Variants in TRAPPC12 observed in about 807,000 individuals in gnomAD.
TRAPPC12 encodes the protein TPR repeat protein 15.
A neutral mutation model predicts 69.2 loss-of-function variants in TRAPPC12; 61 were observed. The ratio of observed to expected loss-of-function variants is 0.88; its 90% CI spans 0.72 to 1.09. The LOEUF (loss-of-function observed/expected upper bound fraction) is 1.09, where lower values mean the gene tolerates loss of function less well. TRAPPC12 is among the 50% of genes least tolerant of loss of function. The pLI is 0.00. For synonymous variants in TRAPPC12, 469 were observed against 438.9 expected (o/e 1.07, Z -0.86); for missense variants, 1,101 against 1,016.4 (o/e 1.08, Z -1.13).
intron 3 of TRAPPC12, among the ~76,000 whole-genome samples, chr2:3,418,866 TGCAAA>T (rs1385661840): frequency 6.6e-6 from 1 of 152,176 alleles, no homozygotes; most frequent in African/African-American, 2.4e-5. Flanking sequence ...CTTGGAAGCC[TGCAAA>T]GGCCAGCACA....
chr2:3,468,712 C>T (rs2103160469), intron 9 of TRAPPC12, among the ~76,000 whole-genome samples: 1 of 152,334 alleles, frequency 6.6e-6, no homozygotes, highest in South Asian at 2.1e-4. Flanking sequence ...GACTCCAGTG[C>T]ACACGTGGGC....
At chr2:3,443,976 G>GC in intron 6 of TRAPPC12, 85 bp downstream of exon 6, 1 of 977,578 alleles carries the variant, frequency 1.0e-6, no homozygotes, top group South Asian at 1.4e-5. Flanking sequence ...GCTGTTCCCT[G>GC]CCCGTCCTGC....
At chr2:3,380,140 C>A (rs149571328) in intron 1 of TRAPPC12, among the ~76,000 whole-genome samples, 3 of 152,162 alleles carry the variant, frequency 2.0e-5, no homozygotes, top group Non-Finnish European at 4.4e-5. Context: ...GCGGAGTTTG[C>A]GGGAAGGGGA....
intron 6 of TRAPPC12, among the ~76,000 whole-genome samples, chr2:3,451,735 G>C (rs1664861353): frequency 6.6e-6 from 1 of 152,086 alleles, no homozygotes; most frequent in Non-Finnish European, 1.5e-5. Context: ...TGTTGCCCAG[G>C]CTGGTCTTGA....
At chr2:3,393,840 A>C (rs1460990723) in intron 2 of TRAPPC12, among the ~76,000 whole-genome samples, 1 of 152,238 alleles carries the variant, frequency 6.6e-6, no homozygotes, top group African/African-American at 2.4e-5. Context: ...GCCTTGAATT[A>C]GAAGAATTGG....
chr2:3,399,272 T>A (rs1217874660), intron 2 of TRAPPC12, among the ~76,000 whole-genome samples: 1 of 152,264 alleles, frequency 6.6e-6, no homozygotes, highest in Non-Finnish European at 1.5e-5. Flanking sequence ...CCTCCGTCCC[T>A]GGCATTACAA....
chr2:3,404,300 T>A (rs1345268327), intron 3 of TRAPPC12, among the ~76,000 whole-genome samples: 1 of 152,206 alleles, frequency 6.6e-6, no homozygotes, highest in Admixed American at 6.5e-5. Context: ...TACTTTCTAG[T>A]GTTCTATTGT....
intron 2 of TRAPPC12, among the ~76,000 whole-genome samples, chr2:3,399,332 T>C (rs1661294113): frequency 6.6e-6 from 1 of 152,200 alleles, no homozygotes; most frequent in Non-Finnish European, 1.5e-5. Flanking sequence ...TGAGATGCTC[T>C]TTGTCTGAGA....
intron 3 of TRAPPC12, among the ~76,000 whole-genome samples, chr2:3,403,054 C>T (rs1208451007): frequency 1.3e-5 from 2 of 151,994 alleles, no homozygotes; most frequent in African/African-American, 2.4e-5. Flanking sequence ...TGTATTTCAG[C>T]GGCACATGGT....
In TRAPPC12 at chr2:3,401,829, C is replaced by G. The variant is rs770439678; in HGVS notation, c.1100C>G (p.Ala367Gly). 6.2e-7 allele frequency: 1 copy of G among 1,601,526 alleles called. No homozygotes were observed. Among genetic ancestry groups the G allele is most frequent in the East Asian group, 2.3e-5 (1 of 44,306 alleles). The change falls in exon 3 of 12, where the codon GCA becomes GGA. Residue 367 changes from alanine (A) to glycine (G), a missense_variant. Physicochemically the swap from Ala to Gly is moderately conservative, Grantham distance 60. Transcript: ENST00000324266. ...MLRFLGEKAAAKRQVLNADSV... is the reference protein window; with the variant it reads ...MLRFLGEKAAGKRQVLNADSV... ...CGCTTTCTGGGTGAAAAAGCTGCAG[C>G]AAAGAGACAAGTCCTAAATGCCGAC...
chr2:3,477,267 C>G (rs994311363), intron 9 of TRAPPC12, among the ~76,000 whole-genome samples: 17 of 152,230 alleles, frequency 1.1e-4, no homozygotes, highest in Non-Finnish European at 1.5e-4. Context: ...TATTACTTTG[C>G]AATTTGCAAA....
chr2:3,435,555 C>T (rs1002860985), intron 5 of TRAPPC12, among the ~76,000 whole-genome samples: 3 of 152,214 alleles, frequency 2.0e-5, no homozygotes, highest in East Asian at 1.9e-4. Context: ...TGCCATAGCA[C>T]GGGGGAGATT....
chr2:3,417,767 G>C (rs1210839392), intron 3 of TRAPPC12, among the ~76,000 whole-genome samples: 1 of 152,126 alleles, frequency 6.6e-6, no homozygotes, highest in East Asian at 1.9e-4. Flanking sequence ...CATTGGCCGG[G>C]CGTGATGGCT....
chr2:3,395,956 C>A (rs181185630), intron 2 of TRAPPC12, among the ~76,000 whole-genome samples: 1 of 152,254 alleles, frequency 6.6e-6, no homozygotes, highest in African/African-American at 2.4e-5. Flanking sequence ...TCTCAATCTC[C>A]TGACATCAAG....
chr2:3,418,810 CAG>C (rs1662599222), intron 3 of TRAPPC12, among the ~76,000 whole-genome samples: 1 of 152,188 alleles, frequency 6.6e-6, no homozygotes, highest in African/African-American at 2.4e-5. Context: ...TGCAGGGAGA[CAG>C]GGGCCTTCAA....
intron 2 of TRAPPC12, among the ~76,000 whole-genome samples, chr2:3,392,228 A>G (rs1390117352): frequency 6.6e-6 from 1 of 152,172 alleles, no homozygotes; most frequent in African/African-American, 2.4e-5. Context: ...TTCTCCTTTT[A>G]TGATGAGGAA....
intron 3 of TRAPPC12, among the ~76,000 whole-genome samples, chr2:3,420,962 C>G (rs968779036): frequency 2.0e-5 from 3 of 152,196 alleles, no homozygotes; most frequent in Non-Finnish European, 4.4e-5. Context: ...GTTTAATTGT[C>G]TGTCTCCCTT....
intron 10 of TRAPPC12, chr2:3,478,109 T>TGTGCTCTGGTGTTCTGTGTCTGGATCCC (rs6146600): frequency 1.3e-4 from 22 of 175,780 alleles, no homozygotes; most frequent in East Asian, 6.2e-4. Context: ...TTCTGGATCC[T>TGTGCTCTGGTGTTCTGTGTCTGGATCCC]GTGCTCTGGT....
intron 8 of TRAPPC12, chr2:3,463,185 C>A: frequency 3.4e-6 from 1 of 296,088 alleles, no homozygotes; most frequent in Non-Finnish European, 6.8e-6. Flanking sequence ...GTTTCCTCTT[C>A]AGTAAATAAA....
Sources: gnomAD v4.1 joint callset for allele counts (sites outside exome capture counted in the v4.1 genomes callset) on GRCh38, gnomAD v4.1.1 for gene constraint, MANE v1.5 for transcripts, NCBI Gene and HGNC (gene_info 2026-07-23, HGNC 2026-07-21) for gene names.